Variants in HIVEP1 observed in about 807,000 individuals in gnomAD.
HIVEP1 encodes the protein zinc finger protein 40.
In HIVEP1, 36 loss-of-function variants were observed where a neutral mutation model predicts 180.0. The observed-to-expected ratio is 0.20, with a 90% CI of 0.15 to 0.26. HIVEP1 has a LOEUF of 0.26. Ranked by LOEUF, HIVEP1 falls within the 10% of genes least tolerant of loss-of-function variation. HIVEP1 has a pLI of 1.00. For missense variants in HIVEP1, 3,143 were observed against 3,268.7 expected, an observed-to-expected ratio of 0.96 and a Z score of 0.94; for synonymous variants, 1,239 against 1,239.0, an observed-to-expected ratio of 1.00 and a Z score of 0.00.
the HIVEP1 span, among the ~76,000 whole-genome samples, chr6:12,194,235 A>G: frequency 2.6e-5 from 4 of 152,234 alleles, no homozygotes; most frequent in African/African-American, 9.6e-5. Context: ...TGTGACTTCT[A>G]GAAAATTTAT....
chr6:12,168,042 CATATACATATGTGT>C (rs1562024319), downstream of HIVEP1, among the ~76,000 whole-genome samples: 12 of 30,152 alleles, frequency 4.0e-4, no homozygotes, highest in African/African-American at 1.1e-3. Context: ...ATTATATATA[CATATACATATGTGT>C]ATATATACAT....
chr6:12,119,927 C>A lies in HIVEP1; in HGVS notation c.132C>A (p.Ser44=). The stretch of plus-strand genomic sequence containing the variant: ...CTGGTGTTAAAGGAACTTCGGAATC[C>A]CTTAAAGGTGTGAAACGCAAAAAGA... The part of the protein sequence containing the change: ...LQAGVKGTSE[S]LKGVKRKKIV... The change falls in exon 4 of 9, where the codon TCC becomes TCA. Residue 44 remains serine (S), a synonymous_variant. Coordinates refer to ENST00000379388, the MANE Select transcript of HIVEP1 (RefSeq NM_002114.4). 1.9e-6 allele frequency: 3 copies of A among 1,591,464 alleles called. No homozygotes were observed. Among genetic ancestry groups the A allele is most frequent in the Non-Finnish European group, 8.5e-7 (1 of 1,173,366 alleles).
the HIVEP1 span, among the ~76,000 whole-genome samples, chr6:12,189,283 C>T: frequency 2.1e-4 from 32 of 151,772 alleles, no homozygotes; most frequent in Non-Finnish European, 1.8e-4. Context: ...GTTAAAAAAA[C>T]ACTTTCTAAA....
At chr6:12,049,886 T>A (rs1770384878) in intron 2 of HIVEP1, among the ~76,000 whole-genome samples, 1 of 152,158 alleles carries the variant, frequency 6.6e-6, no homozygotes, top group Non-Finnish European at 1.5e-5. Flanking sequence ...CTGTTAGAAT[T>A]TGATGAACTG....
In HIVEP1 at chr6:12,070,026, A is replaced by T. The variant is rs114959841; in HGVS notation, c.41-19158A>T. Among the ~76,000 whole-genome samples, 1,401 of 152,232 alleles carry T rather than the reference A, an allele frequency of 9.2e-3. 19 individuals are homozygous for T. The highest frequency in any genetic ancestry group is 0.032 in the African/African-American group (1,328 of 41,534). The stretch of plus-strand genomic sequence containing the variant: ...AGGCTCATCAGTATCATTGTCTTCC[A>T]TCTCTACATCTTGTCCCACGGAAGG... On this transcript the variant is annotated intron_variant, in intron 2 of 8. Coordinates refer to ENST00000379388, the MANE Select transcript of HIVEP1 (RefSeq NM_002114.4).
chr6:12,010,612 T>C (rs936978030), upstream of HIVEP1, among the ~76,000 whole-genome samples: 4 of 152,330 alleles, frequency 2.6e-5, no homozygotes, highest in East Asian at 7.7e-4. Context: ...CAGGGATTTT[T>C]TTTTTTTTGC....
chr6:12,085,666 A>G (rs949864542), intron 2 of HIVEP1, among the ~76,000 whole-genome samples: 2 of 152,056 alleles, frequency 1.3e-5, no homozygotes, highest in African/African-American at 4.8e-5. Context: ...TGCTCCTCCA[A>G]CCTGTGATGC....
chr6:12,055,507 TTTTGTTTCTA>T (rs1287450876), intron 2 of HIVEP1, among the ~76,000 whole-genome samples: 3 of 152,236 alleles, frequency 2.0e-5, no homozygotes, highest in African/African-American at 7.2e-5. Context: ...TGTTATCTTT[TTTTGTTTCTA>T]TTTAAAATAG....
At chr6:12,107,109 T>C (rs1051986965) in intron 3 of HIVEP1, among the ~76,000 whole-genome samples, 1 of 152,242 alleles carries the variant, frequency 6.6e-6, no homozygotes, top group African/African-American at 2.4e-5. Context: ...CTGTACCTAG[T>C]GCTCCTTGAA....
the HIVEP1 span, among the ~76,000 whole-genome samples, chr6:12,171,704 G>A: frequency 5.3e-5 from 8 of 152,298 alleles, no homozygotes; most frequent in Non-Finnish European, 1.2e-4. Context: ...CCATGTCCCC[G>A]TTCATTTTTG....
intron 3 of HIVEP1, among the ~76,000 whole-genome samples, chr6:12,111,604 C>G (rs1013380738): frequency 2.0e-5 from 3 of 152,240 alleles, no homozygotes; most frequent in African/African-American, 7.2e-5. Flanking sequence ...TTAGAGGCTA[C>G]CATGTTCTTT....
intron 2 of HIVEP1, among the ~76,000 whole-genome samples, chr6:12,051,588 T>C (rs1273229575): frequency 1.3e-5 from 2 of 151,896 alleles, no homozygotes; most frequent in African/African-American, 4.8e-5. Context: ...TATTTCACCC[T>C]AATTAAATAT....
chr6:12,008,975 G>A (rs981616139), upstream of HIVEP1: 14 of 152,480 alleles, frequency 9.2e-5, no homozygotes, highest in South Asian at 4.0e-4. Context: ...TTTGTCGCCG[G>A]GTTGCCCAGA....
chr6:12,089,873 TACAC>T (rs917685964), intron 3 of HIVEP1, among the ~76,000 whole-genome samples: 1 of 152,004 alleles, frequency 6.6e-6, no homozygotes, highest in South Asian at 2.1e-4. Flanking sequence ...TATATACGCA[TACAC>T]ACACAGAGGC....
chr6:12,076,975 C>T (rs754065225), intron 2 of HIVEP1, among the ~76,000 whole-genome samples: 32 of 151,974 alleles, frequency 2.1e-4, no homozygotes, highest in Non-Finnish European at 3.1e-4. Flanking sequence ...GTAAGTTTTC[C>T]GTAGAGGTGG....
intron 7 of HIVEP1, among the ~76,000 whole-genome samples, chr6:12,159,048 G>A (rs1760235213): frequency 1.3e-5 from 2 of 150,620 alleles, no homozygotes; most frequent in Admixed American, 6.6e-5. Context: ...ATACTTGAGC[G>A]GGACTCCCCT....
the HIVEP1 span, among the ~76,000 whole-genome samples, chr6:12,197,730 T>A: frequency 3.3e-5 from 5 of 152,090 alleles, no homozygotes; most frequent in Non-Finnish European, 1.5e-5. Context: ...AGGATCTGAT[T>A]TGCATTTCAG....
In HIVEP1 at chr6:12,063,089, C is replaced by T. The variant is rs1771345996; in HGVS notation, c.41-26095C>T. On this transcript the variant is annotated intron_variant, in intron 2 of 8. Transcript: ENST00000379388. The surrounding 1 kb of genome is among the most constrained non-coding windows in gnomAD (Gnocchi z 4.2). ...TGATTTAAAAATATAATATGCTAAT[C>T]TAAATTATGTTTTACTCTTTTTGGA... Among the ~76,000 whole-genome samples the T allele has an allele frequency of 6.6e-6, 1 of 152,018 alleles. No individual in the cohort carries two copies. Among genetic ancestry groups the T allele is most frequent in the African/African-American group, 2.4e-5 (1 of 41,360 alleles).
chr6:12,075,027 A>G (rs1772257817), intron 2 of HIVEP1, among the ~76,000 whole-genome samples: 1 of 152,230 alleles, frequency 6.6e-6, no homozygotes, highest in South Asian at 2.1e-4. Context: ...TAATTAGTTC[A>G]AACAGAAAAG....
Sources: gnomAD v4.1 joint callset for allele counts (sites outside exome capture counted in the v4.1 genomes callset) on GRCh38, gnomAD v4.1.1 for gene constraint, Gnocchi (gnomAD v3.1) non-coding constraint, MANE v1.5 for transcripts, NCBI Gene and HGNC (gene_info 2026-07-23, HGNC 2026-07-21) for gene names.